The following GRIN3A variants were observed in gnomAD, a reference collection of about 807,000 sequenced individuals.
The protein encoded by GRIN3A is glutamate ionotropic receptor NMDA type subunit 3A, also known as glutamate receptor ionotropic, NMDA 3A.
Under a neutral mutation model 92.4 loss-of-function variants are expected in GRIN3A, and 47 were observed. That is an observed-to-expected ratio of 0.51 (90% CI 0.40 to 0.65). The LOEUF (loss-of-function observed/expected upper bound fraction) is 0.65. Ranked by LOEUF, GRIN3A falls within the 30% of genes least tolerant of loss-of-function variation. The pLI, the probability that GRIN3A is intolerant of heterozygous loss-of-function variation, is 0.00. For missense variants in GRIN3A, 1,324 were observed against 1,393.1 expected (o/e 0.95, Z 0.79); for synonymous variants, 527 against 540.6 (o/e 0.97, Z 0.35).
chr9:101,573,249 C>CT lies in GRIN3A; in HGVS notation c.3272dup (p.Glu1092GlyfsTer23). On this transcript the variant is annotated frameshift_variant, in exon 9 of 9. Coordinates refer to ENST00000361820, the MANE Select transcript of GRIN3A (RefSeq NM_133445.3). LOFTEE classifies it high-confidence loss of function. The stretch of plus-strand genomic sequence containing the variant: ...TCCTGCTCACAGCCAGCTGCAGCTC[C>CT]TGACGGATCACCTGAATCTGCTTCT... 7 of 1,614,150 alleles carry CT rather than the reference C, an allele frequency of 4.3e-6. No homozygotes were observed. Among genetic ancestry groups the CT allele is most frequent in the Non-Finnish European group, 5.9e-6 (7 of 1,179,996 alleles).
chr9:101,704,708 G>T (rs959916579), intron 1 of GRIN3A, among the ~76,000 whole-genome samples: 3 of 152,136 alleles, frequency 2.0e-5, no homozygotes, highest in African/African-American at 7.2e-5. Context: ...CCTAATTATA[G>T]GCTGATAGAA....
intron 5 of GRIN3A, among the ~76,000 whole-genome samples, chr9:101,615,866 C>T (rs967668249): frequency 2.6e-5 from 4 of 152,096 alleles, no homozygotes; most frequent in African/African-American, 9.7e-5. Context: ...CATTGATATT[C>T]GGCAAACCTG....
At chr9:101,632,334 A>G (rs369659977) in intron 3 of GRIN3A, among the ~76,000 whole-genome samples, 27 of 152,270 alleles carry the variant, frequency 1.8e-4, no homozygotes, top group African/African-American at 5.8e-4. Context: ...TCCCTGCTAG[A>G]TTGTAAGTTT....
At chr9:101,715,911 A>C (rs62576355) in intron 1 of GRIN3A, among the ~76,000 whole-genome samples, 11,714 of 152,258 alleles carry the variant, frequency 0.077, 632 homozygotes, top group Middle Eastern at 0.12. Flanking sequence ...TACATTTTTA[A>C]ACATCACCAT....
In GRIN3A at chr9:101,689,791, A is replaced by C. The variant is rs185564524; in HGVS notation, c.700-2591T>G. ...ACACACACAAAGATTATGAAAACTT[A>C]TAACACTAAAATTCAAGCCTGATAG... On this transcript the variant is annotated intron_variant, in intron 1 of 8. Transcript: ENST00000361820. Among the ~76,000 whole-genome samples, 1,018 of 151,992 alleles carry C rather than the reference A, an allele frequency of 6.7e-3. 18 individuals carry two copies. Among genetic ancestry groups the C allele is most frequent in the Non-Finnish European group, 5.4e-3 (368 of 67,928 alleles).
intron 6 of GRIN3A, among the ~76,000 whole-genome samples, chr9:101,586,216 C>A (rs1039089462): frequency 1.3e-4 from 20 of 152,154 alleles, no homozygotes; most frequent in Non-Finnish European, 1.3e-4. Context: ...TGCTTTATTT[C>A]TCTCTTGACA....
In GRIN3A at chr9:101,632,681, C is replaced by T. The variant is rs556067679; in HGVS notation, c.2353-4280G>A. ...GTGTGAGATTATATTGAAAAATAAC[C>T]ATGGGCTACTCAGCAGTCACAGAAT... On this transcript the variant is annotated intron_variant, in intron 3 of 8. Transcript: ENST00000361820. 2.0e-5 allele frequency among the ~76,000 whole-genome samples: 3 copies of T among 151,968 alleles called. No individual in the cohort carries two copies. The South Asian group carries it at 6.2e-4, about 32-fold the overall frequency.
intron 1 of GRIN3A, among the ~76,000 whole-genome samples, chr9:101,728,184 A>G (rs1372986713): frequency 6.6e-6 from 1 of 152,172 alleles, no homozygotes; most frequent in African/African-American, 2.4e-5. Context: ...GAACTTTACG[A>G]AAACAAAAAC....
chr9:101,689,761 C>T (rs1413266454), intron 1 of GRIN3A, among the ~76,000 whole-genome samples: 2 of 151,792 alleles, frequency 1.3e-5, no homozygotes, highest in Non-Finnish European at 2.9e-5. Context: ...CACACACACA[C>T]ACACACACAC....
rs779900084 is a variant in GRIN3A at position 101,572,328 on chromosome 9, T to A, written c.*846A>T. 13 of 152,668 alleles carry A rather than the reference T, an allele frequency of 8.5e-5. No homozygotes were observed. The highest frequency in any genetic ancestry group is 1.2e-4 in the Non-Finnish European group (8 of 68,068). 9.5% of individuals were successfully genotyped at this position (152,668 alleles called of 1,614,324 possible). On this transcript the variant is annotated 3_prime_UTR_variant, in exon 9 of 9. Coordinates refer to ENST00000361820, the MANE Select transcript of GRIN3A (RefSeq NM_133445.3). Reference sequence around the variant, plus strand: ...CCTAAGGCCACAACCTTGCTTTGCCTTTTTCTCTCTTTTCCTTTATAAAAG... The same window carrying A: ...CCTAAGGCCACAACCTTGCTTTGCCATTTTCTCTCTTTTCCTTTATAAAAG...
At chr9:101,664,473 A>C (rs926727337) in intron 3 of GRIN3A, among the ~76,000 whole-genome samples, 3 of 151,952 alleles carry the variant, frequency 2.0e-5, no homozygotes, top group African/African-American at 7.2e-5. Context: ...CTTTTATTGT[A>C]AAATAAATTA....
intron 3 of GRIN3A, among the ~76,000 whole-genome samples, chr9:101,628,864 C>T (rs573603518): frequency 6.7e-6 from 1 of 149,980 alleles, no homozygotes; most frequent in Non-Finnish European, 1.5e-5. Context: ...TGTTTAGCCA[C>T]CTTTAGGCTA....
At position 101,737,669 on chromosome 9, in the gene GRIN3A, C is replaced by T; in HGVS notation, c.311G>A (p.Gly104Asp). The T allele has an allele frequency of 6.3e-7, 1 of 1,591,610 alleles. No homozygotes were observed. The highest frequency in any genetic ancestry group is 8.5e-7 in the Non-Finnish European group (1 of 1,171,938). ...GARWLGSTLHGRGPPGSRKPG... is the reference protein window; with the variant it reads ...GARWLGSTLHDRGPPGSRKPG... ...CTTACGGGAGCCCGGCGGCCCCCGG[C>T]CATGCAGGGTGCTCCCCAACCAGCG... The change falls in exon 1 of 9, where the codon GGC (glycine) becomes GAC (aspartate). Residue 104 changes from glycine to aspartate, a missense_variant. Gly to Asp is a moderately conservative substitution (Grantham distance 94, BLOSUM62 -1). Coordinates refer to ENST00000361820, the MANE Select transcript of GRIN3A (RefSeq NM_133445.3).
chr9:101,640,111 C>T (rs1828835857), intron 3 of GRIN3A, among the ~76,000 whole-genome samples: 1 of 152,128 alleles, frequency 6.6e-6, no homozygotes, highest in African/African-American at 2.4e-5. Context: ...CTCCCTTCTC[C>T]CCCGCCTCCT....
Position 101,572,759 on chromosome 9 carries a change from A to G in GRIN3A, c.*415T>C. On this transcript the variant is annotated 3_prime_UTR_variant, in exon 9 of 9. Coordinates refer to ENST00000361820, the MANE Select transcript of GRIN3A (RefSeq NM_133445.3). ...GTATCAAAAGCTACAACCCTAGATA[A>G]CCTCGTTCTGTGTTACGATGAAAAC... The G allele has an allele frequency of 4.5e-6, 1 of 223,792 alleles. No individual in the cohort carries two copies. Among genetic ancestry groups the G allele is most frequent in the East Asian group, 1.0e-4 (1 of 10,014 alleles). 13.9% of individuals were successfully genotyped at this position (223,792 alleles called of 1,614,324 possible). A position where few individuals can be genotyped will look rare whatever the true frequency, so the allele number is the denominator to read the frequency against.
intron 3 of GRIN3A, among the ~76,000 whole-genome samples, chr9:101,637,557 A>G (rs1174333569): frequency 1.3e-5 from 2 of 152,186 alleles, no homozygotes; most frequent in Non-Finnish European, 1.5e-5. Flanking sequence ...GGTAGTTTCC[A>G]TCTATTAAAT....
At chr9:101,662,159 A>G (rs1356107460) in intron 3 of GRIN3A, among the ~76,000 whole-genome samples, 1 of 151,886 alleles carries the variant, frequency 6.6e-6, no homozygotes, top group Non-Finnish European at 1.5e-5. Context: ...GTCAGGAATG[A>G]TGCTTAAAAT....
At chr9:101,660,173 C>T (rs998212937) in intron 3 of GRIN3A, among the ~76,000 whole-genome samples, 3 of 151,858 alleles carry the variant, frequency 2.0e-5, no homozygotes, top group African/African-American at 7.2e-5. Context: ...TCATCTGTCT[C>T]GTATTCCCTC....
chr9:101,737,332 C>T lies in GRIN3A; in HGVS notation c.648G>A (p.Leu216=). The T allele has an allele frequency of 6.2e-7, 1 of 1,614,222 alleles. No homozygotes were observed. Residue 216 remains leucine, a synonymous_variant, in exon 1 of 9, where the codon CTG becomes CTA. Coordinates refer to ENST00000361820, the MANE Select transcript of GRIN3A (RefSeq NM_133445.3). ...GCACGATGCTGATCACTGGAATGTG[C>T]AGGACTAAGCTGACCAAGTCGAGCT... ...MMELDLVSLV[L]HIPVISIVRH...
Sources: gnomAD v4.1 joint callset for allele counts (sites outside exome capture counted in the v4.1 genomes callset) on GRCh38, gnomAD v4.1.1 for gene constraint, MANE v1.5 for transcripts, NCBI Gene and HGNC (gene_info 2026-07-23, HGNC 2026-07-21) for gene names.